Variants in RNF24 observed in about 807,000 individuals in gnomAD.
The protein encoded by RNF24 is ring finger protein 24.
RNF24 carries 14 observed loss-of-function variants against 20.0 expected under a neutral mutation model. That is an observed-to-expected ratio of 0.70 (90% confidence interval 0.46 to 1.10). The LOEUF (loss-of-function observed/expected upper bound fraction) is 1.10, where lower values mean the gene tolerates loss of function less well. Ranked by LOEUF, RNF24 falls within the 50% of genes least tolerant of loss-of-function variation. RNF24 has a pLI of 0.00. For synonymous variants in RNF24, 45 were observed against 61.1 expected (o/e 0.74, Z 1.23); for missense variants, 124 against 177.6 (o/e 0.70, Z 1.71).
At chr20:3,993,030 G>A (rs1262412148) in intron 1 of RNF24, among the ~76,000 whole-genome samples, 1 of 152,140 alleles carries the variant, frequency 6.6e-6, no homozygotes, top group Admixed American at 6.5e-5. Context: ...TACCTAAAAA[G>A]AGTTAGCCTG....
intron 1 of RNF24, among the ~76,000 whole-genome samples, chr20:3,994,611 T>C (rs1408542522): frequency 6.6e-6 from 1 of 152,184 alleles, no homozygotes; most frequent in African/African-American, 2.4e-5. Context: ...GTTGCTGAAC[T>C]GTCAGTGATC....
rs572330713 is a variant in RNF24 at position 3,957,187 on chromosome 20, A to G, written c.143+6688T>C. 1.4e-4 allele frequency among the ~76,000 whole-genome samples: 21 copies of G among 152,038 alleles called. No homozygotes were observed. The East Asian group carries it at 3.9e-3, about 28-fold the overall frequency. On this transcript the variant is annotated intron_variant, in intron 2 of 5. Transcript: ENST00000358395. ...GTGGTACACGCCTGTAATCCCAGCT[A>G]CTCGGGAGGCTGAGGCAGGAGAATT...
intron 2 of RNF24, among the ~76,000 whole-genome samples, chr20:3,954,240 C>T (rs1256106159): frequency 6.6e-6 from 1 of 152,112 alleles, no homozygotes; most frequent in Admixed American, 6.6e-5. Flanking sequence ...CTGATCACTC[C>T]CCATTACCCC....
chr20:3,967,013 T>C (rs947269067), intron 1 of RNF24, among the ~76,000 whole-genome samples: 2 of 152,192 alleles, frequency 1.3e-5, no homozygotes, highest in East Asian at 3.8e-4. Flanking sequence ...GGAATTTTTC[T>C]CTCTTTGTTT....
Position 3,956,263 on chromosome 20 carries a change from GT to G in RNF24, c.143+7611del, listed in dbSNP as rs775579944. On this transcript the variant is annotated intron_variant, in intron 2 of 5. Coordinates refer to ENST00000358395, the MANE Select transcript of RNF24 (RefSeq NM_001134337.3). ...AAGTACAATGTTAAGTTGTGTGTGT[GT>G]TTTTTTTTTTTTAATAAATGCCCTT... 7.3e-3 allele frequency among the ~76,000 whole-genome samples: 1,002 copies of G among 137,396 alleles called. 6 individuals carry two copies. Among genetic ancestry groups the G allele is most frequent in the African/African-American group, 0.022 (832 of 37,742 alleles). The allele number at this position is 137,396 out of a possible 152,430, so 90.1% of individuals were successfully genotyped here.
chr20:4,014,709 A>G (rs892290218), intron 1 of RNF24, among the ~76,000 whole-genome samples: 2 of 149,082 alleles, frequency 1.3e-5, no homozygotes, highest in African/African-American at 2.5e-5. Flanking sequence ...TGATTCTCTC[A>G]TTTCATAGAT....
At position 3,934,896 on chromosome 20, in the gene RNF24, G is replaced by A. The variant is rs2090871325; in HGVS notation, c.308+98C>T. 1 of 894,312 alleles carries A rather than the reference G, an allele frequency of 1.1e-6. No homozygotes were observed. The highest frequency in any genetic ancestry group is 2.5e-5 in the East Asian group (1 of 40,146). 55.4% of individuals were successfully genotyped at this position (894,312 alleles called of 1,614,324 possible). A position where few individuals can be genotyped will look rare whatever the true frequency, so the allele number is the denominator to read the frequency against. Reference sequence around the variant, plus strand: ...TTCTGCATTACAGACCAATCATGAAGCCATCAAGCTTGTCTGGCACTGCCC... The same window carrying A: ...TTCTGCATTACAGACCAATCATGAAACCATCAAGCTTGTCTGGCACTGCCC... On this transcript the variant is annotated intron_variant, in intron 5 of 5. Transcript: ENST00000358395. This position sits in a 1 kb window ranked among gnomAD's most constrained non-coding sequence, Gnocchi z 4.0.
intron 1 of RNF24, among the ~76,000 whole-genome samples, chr20:3,989,214 G>A (rs889341942): frequency 7.2e-5 from 11 of 152,064 alleles, no homozygotes; most frequent in East Asian, 3.8e-4. Flanking sequence ...AAACCTGGCC[G>A]GGCACGGTGG....
chr20:3,940,749 C>T (rs1389307259), intron 4 of RNF24, among the ~76,000 whole-genome samples: 1 of 152,082 alleles, frequency 6.6e-6, no homozygotes, highest in Admixed American at 6.6e-5. Context: ...CATCAGAAAT[C>T]ATGGAGGGCC....
chr20:3,980,191 A>G (rs959522915), intron 1 of RNF24, among the ~76,000 whole-genome samples: 12 of 152,208 alleles, frequency 7.9e-5, no homozygotes, highest in Non-Finnish European at 5.9e-5. Flanking sequence ...ATATAGAAAT[A>G]TCTTCACAAA....
At chr20:3,939,721 T>G (rs2090932906) in intron 4 of RNF24, among the ~76,000 whole-genome samples, 1 of 152,202 alleles carries the variant, frequency 6.6e-6, no homozygotes, top group Admixed American at 6.5e-5. Flanking sequence ...TTCATCTGCT[T>G]GTCAATTTGT....
At chr20:3,991,733 T>C (rs1980457890) in intron 1 of RNF24, among the ~76,000 whole-genome samples, 1 of 152,214 alleles carries the variant, frequency 6.6e-6, no homozygotes, top group African/African-American at 2.4e-5. Flanking sequence ...TAGCTATCTG[T>C]CTTAAATCAG....
intron 1 of RNF24, among the ~76,000 whole-genome samples, chr20:3,984,823 T>G (rs924772679): frequency 6.6e-6 from 1 of 152,052 alleles, no homozygotes; most frequent in Non-Finnish European, 1.5e-5. Flanking sequence ...CAAATCTCAG[T>G]ATACACCAGA....
At chr20:3,971,329 C>T (rs6107379) in intron 1 of RNF24, among the ~76,000 whole-genome samples, 1,552 of 152,172 alleles carry the variant, frequency 0.01, 17 homozygotes, top group African/African-American at 0.035. Context: ...AGGAAAACAA[C>T]GGGAATTTAT....
chr20:4,011,036 C>G (rs912094549), intron 1 of RNF24, among the ~76,000 whole-genome samples: 2 of 152,144 alleles, frequency 1.3e-5, no homozygotes, highest in Non-Finnish European at 2.9e-5. Context: ...AAAATACAAT[C>G]TACCCCACAA....
intron 1 of RNF24, among the ~76,000 whole-genome samples, chr20:3,966,041 G>A (rs559832626): frequency 1.2e-4 from 18 of 148,710 alleles, no homozygotes; most frequent in Non-Finnish European, 2.1e-4. Flanking sequence ...GGCTAATGCA[G>A]GGGAATCGCT....
chr20:3,952,453 C>T (rs932287954), intron 2 of RNF24, among the ~76,000 whole-genome samples: 5 of 152,048 alleles, frequency 3.3e-5, no homozygotes, highest in Admixed American at 2.0e-4. Flanking sequence ...AATAGTTTCT[C>T]TGTAAAAACT....
At chr20:4,000,032 G>A (rs1182067129) in intron 1 of RNF24, among the ~76,000 whole-genome samples, 1 of 152,132 alleles carries the variant, frequency 6.6e-6, no homozygotes, top group African/African-American at 2.4e-5. Context: ...TGAGGGGACT[G>A]AGGAGCGAAG....
rs2090843159 is a variant in RNF24 at position 3,933,051 on chromosome 20, G to A, written c.*1012C>T. The A allele has an allele frequency of 2.9e-6, 1 of 344,606 alleles. No homozygotes were observed. Among genetic ancestry groups the A allele is most frequent in the African/African-American group, 2.4e-5 (1 of 42,164 alleles). 21.3% of individuals were successfully genotyped at this position (344,606 alleles called of 1,614,324 possible). A position where few individuals can be genotyped will look rare whatever the true frequency, so the allele number is the denominator to read the frequency against. ...CTTATTTGGGATAAAGTGTTAAAAA[G>A]TGAATGACAGGCTTTTTTTTTTTTT... On this transcript the variant is annotated 3_prime_UTR_variant, in exon 6 of 6. Transcript: ENST00000358395.
Sources: allele counts gnomAD v4.1 joint callset (sites outside exome capture counted in the v4.1 genomes callset), GRCh38; gene constraint gnomAD v4.1.1; non-coding constraint Gnocchi (gnomAD v3.1); transcripts MANE v1.5; gene names NCBI Gene and HGNC (gene_info 2026-07-23, HGNC 2026-07-21).